The following BDKRB2 variants were observed in gnomAD, a reference collection of about 807,000 sequenced individuals.
The protein encoded by BDKRB2 is B2 bradykinin receptor.
In BDKRB2, 6 loss-of-function variants were observed where a neutral mutation model predicts 4.0. The observed-to-expected ratio is 1.49, with a 90% CI of 0.81 to 2.93. BDKRB2 has a LOEUF of 2.93. Ranked by LOEUF, BDKRB2 falls within the 30% of genes most tolerant of loss-of-function variation. The probability of loss-of-function intolerance (pLI) is 0.00; values close to 1 mark genes in which losing one functional copy is unlikely to be tolerated. For missense variants in BDKRB2, 478 were observed against 520.1 expected (o/e 0.92, Z 0.79); for synonymous variants, 225 against 215.3 (o/e 1.05, Z -0.40).
At chr14:96,217,789 C>T (rs1317222630) in intron 1 of BDKRB2, among the ~76,000 whole-genome samples, 3 of 151,252 alleles carry the variant, frequency 2.0e-5, no homozygotes, top group Non-Finnish European at 4.4e-5. Flanking sequence ...TCTAAGGAGG[C>T]GGCCCTATAA....
intron 2 of BDKRB2, chr14:96,238,780 C>T (rs781392925): frequency 5.7e-5 from 56 of 985,740 alleles, no homozygotes; most frequent in Middle Eastern, 5.2e-4. Context: ...CAACCCCTTA[C>T]CCACCAGCCC....
intron 1 of BDKRB2, among the ~76,000 whole-genome samples, chr14:96,213,134 C>T (rs1890339324): frequency 6.6e-6 from 1 of 152,186 alleles, no homozygotes; most frequent in Non-Finnish European, 1.5e-5. Flanking sequence ...CCTTTCTCAC[C>T]TGTGTGATAA....
intron 1 of BDKRB2, among the ~76,000 whole-genome samples, chr14:96,230,554 C>A (rs898281876): frequency 6.6e-6 from 1 of 151,828 alleles, no homozygotes; most frequent in Non-Finnish European, 1.5e-5. Flanking sequence ...GCCACCACAC[C>A]CAGCTAATTT....
chr14:96,209,811 C>T (rs1029505372), intron 1 of BDKRB2, among the ~76,000 whole-genome samples: 21 of 152,132 alleles, frequency 1.4e-4, no homozygotes, highest in African/African-American at 4.6e-4. Context: ...GCCTGTCCAA[C>T]ATGGTGAAAC....
At chr14:96,206,262 A>G (rs974359012) in intron 1 of BDKRB2, among the ~76,000 whole-genome samples, 8 of 152,138 alleles carry the variant, frequency 5.3e-5, no homozygotes, top group African/African-American at 1.9e-4. Flanking sequence ...TGGATGAAAA[A>G]GAGGAAGCAT....
chr14:96,233,090 G>A (rs1339840230), intron 1 of BDKRB2, among the ~76,000 whole-genome samples: 4 of 152,144 alleles, frequency 2.6e-5, no homozygotes, highest in South Asian at 2.1e-4. Context: ...GCAGTGGTGC[G>A]ATACGGCTCA....
intron 1 of BDKRB2, among the ~76,000 whole-genome samples, chr14:96,222,591 T>C (rs1890599924): frequency 6.6e-6 from 1 of 152,022 alleles, no homozygotes; most frequent in Non-Finnish European, 1.5e-5. Context: ...TTTCCTAATA[T>C]ATCACGATAT....
At chr14:96,240,134 T>A (rs1180680796) in intron 2 of BDKRB2, 2 of 1,181,546 alleles carry the variant, frequency 1.7e-6, no homozygotes, top group Admixed American at 4.4e-5. Flanking sequence ...GTTAGTGCTG[T>A]TGGTGGATAC....
At chr14:96,211,951 CGGTGCATTTAG>C (rs1376383916) in intron 1 of BDKRB2, among the ~76,000 whole-genome samples, 1 of 152,146 alleles carries the variant, frequency 6.6e-6, no homozygotes, top group Non-Finnish European at 1.5e-5. Context: ...ACACAGCCGG[CGGTGCATTTAG>C]GGTGCTTCTG....
intron 1 of BDKRB2, among the ~76,000 whole-genome samples, chr14:96,225,494 T>C (rs1890674836): frequency 6.6e-6 from 1 of 151,992 alleles, no homozygotes; most frequent in South Asian, 2.1e-4. Flanking sequence ...TGTGTGCCTG[T>C]GCTGCCATGT....
intron 1 of BDKRB2, among the ~76,000 whole-genome samples, chr14:96,208,679 G>T (rs1167122542): frequency 2.0e-5 from 3 of 152,162 alleles, no homozygotes; most frequent in Non-Finnish European, 4.4e-5. Context: ...GCCGCTTAAG[G>T]GTGTCCAGAA....
In BDKRB2 at chr14:96,240,868, G is replaced by A. The variant is rs1885266559; in HGVS notation, c.540G>A (p.Val180=). 2 of 1,584,402 alleles carry A rather than the reference G, an allele frequency of 1.3e-6. No homozygotes were observed. The highest frequency in any genetic ancestry group is 2.2e-5 in the East Asian group (1 of 44,784). Residue 180 remains valine (V), a synonymous_variant, in exon 3 of 3, where the codon GTG becomes GTA. Transcript: ENST00000554311. ...GCTGGGCCAAGCTCTACAGCTTGGTGATCTGGGGGTGTACGCTGCTCCTGA... is the reference window on the plus strand; with the variant it reads ...GCTGGGCCAAGCTCTACAGCTTGGTAATCTGGGGGTGTACGCTGCTCCTGA... ...GVRWAKLYSL[V]IWGCTLLLSS... is the part of the protein sequence containing the mutation.
intron 1 of BDKRB2, among the ~76,000 whole-genome samples, chr14:96,213,621 G>T (rs1039247576): frequency 1.3e-5 from 2 of 152,154 alleles, no homozygotes; most frequent in Non-Finnish European, 2.9e-5. Context: ...GTCATTGTGG[G>T]CAGGTTTCAA....
intron 1 of BDKRB2, among the ~76,000 whole-genome samples, chr14:96,213,390 C>T (rs1890346064): frequency 6.6e-6 from 1 of 152,146 alleles, no homozygotes; most frequent in African/African-American, 2.4e-5. Context: ...CCAGAGGACA[C>T]TGGGACAGTC....
chr14:96,230,904 C>T (rs113085968), intron 1 of BDKRB2, among the ~76,000 whole-genome samples: 1,988 of 152,268 alleles, frequency 0.013, 46 homozygotes, highest in African/African-American at 0.045. Context: ...GCGTGAGCCA[C>T]AGCACCCAGC....
intron 1 of BDKRB2, among the ~76,000 whole-genome samples, chr14:96,232,014 C>G (rs543837471): frequency 6.6e-6 from 1 of 152,260 alleles, no homozygotes; most frequent in South Asian, 2.1e-4. Flanking sequence ...TCTCTCCATC[C>G]GGCTGTGTAA....
At chr14:96,222,849 T>G (rs1770866644) in intron 1 of BDKRB2, among the ~76,000 whole-genome samples, 1 of 152,142 alleles carries the variant, frequency 6.6e-6, no homozygotes, top group South Asian at 2.1e-4. Flanking sequence ...TGATTATATC[T>G]CATATATAAC....
chr14:96,225,635 A>G (rs1388488473), intron 1 of BDKRB2, among the ~76,000 whole-genome samples: 2 of 152,122 alleles, frequency 1.3e-5, no homozygotes, highest in African/African-American at 4.8e-5. Flanking sequence ...CTTAGACCCC[A>G]GATACTACCC....
intron 1 of BDKRB2, among the ~76,000 whole-genome samples, chr14:96,230,434 G>C (rs145352147): frequency 6.6e-6 from 1 of 151,954 alleles, no homozygotes; most frequent in Non-Finnish European, 1.5e-5. Flanking sequence ...TCGCTCTGTC[G>C]CCCAGGCTGG....
Sources: gnomAD v4.1 joint callset for allele counts (sites outside exome capture counted in the v4.1 genomes callset) on GRCh38, gnomAD v4.1.1 for gene constraint, MANE v1.5 for transcripts, NCBI Gene and HGNC (gene_info 2026-07-23, HGNC 2026-07-21) for gene names.